The following RGS17 variants were observed in gnomAD, a reference collection of about 807,000 sequenced individuals.
RGS17 encodes the protein regulator of G protein signaling 17.
RGS17 carries 12 observed loss-of-function variants against 25.5 expected under a neutral mutation model. The ratio of observed to expected loss-of-function variants is 0.47; its 90% confidence interval spans 0.30 to 0.76. RGS17 has a LOEUF of 0.76. Ranked by LOEUF, RGS17 falls within the 30% of genes least tolerant of loss-of-function variation. The pLI, the probability that RGS17 is intolerant of heterozygous loss-of-function variation, is 0.07. For synonymous variants in RGS17, 71 were observed against 76.9 expected (o/e 0.92, Z 0.40); for missense variants, 196 against 242.2 (o/e 0.81, Z 1.27).
intron 1 of RGS17, among the ~76,000 whole-genome samples, chr6:153,121,233 G>C (rs1777626714): frequency 6.6e-6 from 1 of 152,050 alleles, no homozygotes; most frequent in African/African-American, 2.4e-5. Flanking sequence ...GACCCACACA[G>C]GCTGTATTTA....
intron 1 of RGS17, among the ~76,000 whole-genome samples, chr6:153,104,349 G>A (rs1398827770): frequency 1.3e-5 from 2 of 151,976 alleles, no homozygotes; most frequent in African/African-American, 4.8e-5. Context: ...GGGAATAACC[G>A]GGCCTAAAAA....
Position 153,020,134 on chromosome 6 carries a change from ATATATTTTTTTTTTTTTTTTT to A in RGS17, c.444+4107_444+4127del, listed in dbSNP as rs1779231437. 5.7e-5 allele frequency among the ~76,000 whole-genome samples: 4 copies of A among 69,682 alleles called. No individual in the cohort carries two copies. In the East Asian group the frequency reaches 1.3e-3, roughly 22 times the overall value. 45.7% of individuals were successfully genotyped at this position (69,682 alleles called of 152,430 possible). A position where few individuals can be genotyped will look rare whatever the true frequency, so the allele number is the denominator to read the frequency against. On this transcript the variant is annotated intron_variant, in intron 4 of 4. Transcript: ENST00000206262. The stretch of plus-strand genomic sequence containing the variant: ...AAAATATATATATATATATATATAT[ATATATTTTTTTTTTTTTTTTT>A]TTTTTTTTTTTTTTTTGAGACAGAG...
At chr6:153,120,731 T>C (rs1188845096) in intron 1 of RGS17, among the ~76,000 whole-genome samples, 3 of 152,248 alleles carry the variant, frequency 2.0e-5, no homozygotes, top group African/African-American at 7.2e-5. Context: ...TTTAGCCTTA[T>C]CATCTAGTGA....
intron 1 of RGS17, among the ~76,000 whole-genome samples, chr6:153,097,290 ATTTTT>A (rs3083488): frequency 0.1 from 8,969 of 88,106 alleles, 443 homozygotes; most frequent in Middle Eastern, 0.19. Context: ...CGTTTTTTTG[ATTTTT>A]TTTTTTTTTT....
At chr6:153,108,410 T>C (rs1189328167) in intron 1 of RGS17, among the ~76,000 whole-genome samples, 1 of 152,070 alleles carries the variant, frequency 6.6e-6, no homozygotes, top group Non-Finnish European at 1.5e-5. Flanking sequence ...GGCAGGCAAA[T>C]GGCAGAAATG....
intron 1 of RGS17, among the ~76,000 whole-genome samples, chr6:153,046,272 G>T (rs1278456646): frequency 6.6e-6 from 1 of 151,656 alleles, no homozygotes; most frequent in Admixed American, 6.6e-5. Context: ...AAGTTATAGT[G>T]TTCCACATCG....
chr6:153,058,384 A>G (rs894670590), intron 1 of RGS17, among the ~76,000 whole-genome samples: 1 of 152,224 alleles, frequency 6.6e-6, no homozygotes, highest in Non-Finnish European at 1.5e-5. Flanking sequence ...AGGCTTAGTC[A>G]GTGAGGAAGA....
chr6:153,111,306 G>A (rs1777466317), intron 1 of RGS17, among the ~76,000 whole-genome samples: 1 of 152,176 alleles, frequency 6.6e-6, no homozygotes, highest in African/African-American at 2.4e-5. Flanking sequence ...TCCCCTCACA[G>A]TCTAAACAAA....
intron 1 of RGS17, among the ~76,000 whole-genome samples, chr6:153,078,885 T>A (rs1342105898): frequency 1.3e-5 from 2 of 151,980 alleles, no homozygotes; most frequent in Non-Finnish European, 2.9e-5. Flanking sequence ...GGCTTTGGCA[T>A]CTTAATTTTG....
chr6:153,096,413 C>T, intron 1 of RGS17, among the ~76,000 whole-genome samples: 1 of 152,182 alleles, frequency 6.6e-6, no homozygotes, highest in East Asian at 1.9e-4. Flanking sequence ...AAGTGCTTGG[C>T]AAAGTGTTTA....
At position 153,043,937 on chromosome 6, in the gene RGS17, A is replaced by C. The variant is rs1221073728; in HGVS notation, c.82T>G (p.Cys28Gly). The C allele has an allele frequency of 6.2e-7, 1 of 1,611,544 alleles. No individual in the cohort carries two copies. Among genetic ancestry groups the C allele is most frequent in the East Asian group, 2.2e-5 (1 of 44,612 alleles). Reference protein sequence around the residue: ...APGNQRPNNTCCFCWCCCCSC... With the variant: ...APGNQRPNNTGCFCWCCCCSC... Reference sequence around the variant, plus strand: ...CAACAACAGCACCAACAAAAGCAACAGGTGTTGTTGGGCCTCTGGTTTCCA... The same window carrying C: ...CAACAACAGCACCAACAAAAGCAACCGGTGTTGTTGGGCCTCTGGTTTCCA... The change falls in exon 2 of 5, where the codon TGT becomes GGT. Residue 28 changes from cysteine to glycine, a missense_variant. Around this residue, in one of 2 missense-constraint regions of RGS17, gnomAD observed 17 missense variants for 44.7 expected, o/e 0.38. Transcript: ENST00000206262.
At chr6:153,128,861 A>G (rs1160187071) in intron 1 of RGS17, among the ~76,000 whole-genome samples, 4 of 152,238 alleles carry the variant, frequency 2.6e-5, no homozygotes, top group Non-Finnish European at 5.9e-5. Flanking sequence ...TGTTTGCCTT[A>G]GAATGAACAG....
intron 1 of RGS17, among the ~76,000 whole-genome samples, chr6:153,048,958 G>A (rs936101685): frequency 6.6e-6 from 1 of 152,016 alleles, no homozygotes; most frequent in Non-Finnish European, 1.5e-5. Context: ...GCACATACTA[G>A]GTACACAAAT....
chr6:153,094,563 A>C (rs1193141740), intron 1 of RGS17, among the ~76,000 whole-genome samples: 1 of 152,212 alleles, frequency 6.6e-6, no homozygotes, highest in East Asian at 1.9e-4. Flanking sequence ...AGAACACTGA[A>C]CACTTTTAAG....
chr6:153,008,359 G>C lies in RGS17; in HGVS notation c.*3215C>G, dbSNP rs2129104554. Reference sequence around the variant, plus strand: ...AAAAAAAACATCACATTATGGTCTTGACTTCTGCATTTCGTAACTTTAGTA... The same window carrying C: ...AAAAAAAACATCACATTATGGTCTTCACTTCTGCATTTCGTAACTTTAGTA... On this transcript the variant is annotated 3_prime_UTR_variant, in exon 5 of 5. Transcript: ENST00000206262. The C allele has an allele frequency of 6.6e-6, 1 of 151,686 alleles. No homozygotes were observed. Among genetic ancestry groups the C allele is most frequent in the South Asian group, 2.1e-4 (1 of 4,812 alleles). 9.4% of individuals were successfully genotyped at this position (151,686 alleles called of 1,614,324 possible). A position where few individuals can be genotyped will look rare whatever the true frequency, so the allele number is the denominator to read the frequency against.
intron 1 of RGS17, among the ~76,000 whole-genome samples, chr6:153,051,484 A>G (rs1425363685): frequency 6.6e-6 from 1 of 152,208 alleles, no homozygotes; most frequent in Non-Finnish European, 1.5e-5. Context: ...CATTAACACT[A>G]AATTTCACTG....
At chr6:153,086,495 C>A (rs1463594560) in intron 1 of RGS17, among the ~76,000 whole-genome samples, 3 of 152,160 alleles carry the variant, frequency 2.0e-5, no homozygotes, top group African/African-American at 7.2e-5. Flanking sequence ...ACATTTATAA[C>A]CACCTTGAAG....
intron 1 of RGS17, among the ~76,000 whole-genome samples, chr6:153,062,119 C>A (rs574952054): frequency 1.7e-5 from 2 of 115,670 alleles, no homozygotes; most frequent in African/African-American, 6.9e-5. Context: ...TTCACAAGGA[C>A]ACCAATTAAC....
chr6:153,007,220 A>G lies in RGS17; in HGVS notation c.*4354T>C, dbSNP rs1420847695. 2 of 152,216 alleles carry G rather than the reference A, an allele frequency of 1.3e-5. No homozygotes were observed. Among genetic ancestry groups the G allele is most frequent in the African/African-American group, 2.4e-5 (1 of 41,454 alleles). 9.4% of individuals were successfully genotyped at this position (152,216 alleles called of 1,614,324 possible). A position where few individuals can be genotyped will look rare whatever the true frequency, so the allele number is the denominator to read the frequency against. On this transcript the variant is annotated 3_prime_UTR_variant, in exon 5 of 5. Coordinates refer to ENST00000206262, the MANE Select transcript of RGS17 (RefSeq NM_012419.5). ...TTGTGCACCATCTTGTGTTGCAAGG[A>G]TATTTTAAGCACTGCAGGGAAAATC...
Sources: gnomAD v4.1 joint callset for allele counts (sites outside exome capture counted in the v4.1 genomes callset) on GRCh38, gnomAD v4.1.1 for gene constraint, gnomAD v4.1.1 regional missense constraint, MANE v1.5 for transcripts, NCBI Gene and HGNC (gene_info 2026-07-23, HGNC 2026-07-21) for gene names.